WARS2: variants seen among roughly 807,000 people sequenced by gnomAD.
WARS2 encodes the protein tryptophanyl tRNA synthetase 2, mitochondrial, also known as tryptophan--tRNA ligase, mitochondrial.
In WARS2, 28 loss-of-function variants were observed where a neutral mutation model predicts 36.5. That is an observed-to-expected ratio of 0.77 (90% CI 0.57 to 1.05). The LOEUF is 1.05. Ranked by LOEUF, WARS2 falls within the 50% of genes least tolerant of loss-of-function variation. WARS2 has a pLI of 0.00. For missense variants in WARS2, 435 were observed against 456.8 expected, an observed-to-expected ratio of 0.95 and a Z score of 0.44; for synonymous variants, 174 against 178.4, an observed-to-expected ratio of 0.98 and a Z score of 0.20.
At chr1:119,043,410 C>T (rs773645350) in intron 3 of WARS2, among the ~76,000 whole-genome samples, 1 of 152,148 alleles carries the variant, frequency 6.6e-6, no homozygotes, top group Admixed American at 6.5e-5. Context: ...TACCAAGGTG[C>T]AGACATATTT....
At chr1:119,096,487 G>A (rs1290585070) in intron 1 of WARS2, among the ~76,000 whole-genome samples, 1 of 151,968 alleles carries the variant, frequency 6.6e-6, no homozygotes, top group Middle Eastern at 3.2e-3. Flanking sequence ...CTTTAGATGG[G>A]TATATTCTAC....
At chr1:119,118,977 A>G (rs1428496286) in intron 1 of WARS2, among the ~76,000 whole-genome samples, 1 of 152,232 alleles carries the variant, frequency 6.6e-6, no homozygotes, top group Non-Finnish European at 1.5e-5. Flanking sequence ...TCCTTAAAGC[A>G]TAAACATCAC....
In WARS2 at chr1:119,084,025, G is replaced by GT. The variant is rs1221473088; in HGVS notation, c.91-7419dup. Among the ~76,000 whole-genome samples the GT allele has an allele frequency of 5.7e-3, 811 of 141,664 alleles. 5 individuals carry two copies. Among genetic ancestry groups the GT allele is most frequent in the African/African-American group, 0.013 (491 of 38,858 alleles). 92.9% of individuals were successfully genotyped at this position (141,664 alleles called of 152,430 possible). Reference sequence around the variant, plus strand: ...AAAATTTAGTTTTTCCTCATACGATGTTTTTTTTTTTTTTGAGACAGAGTG... The same window carrying GT: ...AAAATTTAGTTTTTCCTCATACGATGTTTTTTTTTTTTTTTGAGACAGAGTG... On this transcript the variant is annotated intron_variant, in intron 1 of 5. Coordinates refer to ENST00000235521, the MANE Select transcript of WARS2 (RefSeq NM_015836.4).
In WARS2 at chr1:119,051,762, ATT is replaced by A. The variant is rs527937756; in HGVS notation, c.349-6102_349-6101del. On this transcript the variant is annotated intron_variant, in intron 2 of 5. Coordinates refer to ENST00000235521, the MANE Select transcript of WARS2 (RefSeq NM_015836.4). ...TGATATGAGTTGGTATCTCGCTGTA[ATT>A]TTTTTTTTTTTTTTTTTTTTTGAGA... 9.0e-3 allele frequency among the ~76,000 whole-genome samples: 1,029 copies of A among 114,234 alleles called. 12 individuals are homozygous for A. The highest frequency in any genetic ancestry group is 0.031 in the African/African-American group (956 of 30,438). The allele number at this position is 114,234 out of a possible 152,430, so 74.9% of individuals were successfully genotyped here.
intron 2 of WARS2, among the ~76,000 whole-genome samples, chr1:119,058,667 C>T (rs1650080738): frequency 8.0e-6 from 1 of 124,664 alleles, no homozygotes; most frequent in African/African-American, 3.9e-5. Flanking sequence ...CATAGGATTC[C>T]ATGGTGTATA....
intron 1 of WARS2, among the ~76,000 whole-genome samples, chr1:119,082,775 C>T (rs1023523237): frequency 3.9e-5 from 6 of 152,234 alleles, no homozygotes; most frequent in African/African-American, 1.4e-4. Context: ...CTGGCCACCA[C>T]ACCACATAAT....
chr1:119,133,885 A>C (rs1356222016), intron 1 of WARS2, among the ~76,000 whole-genome samples: 5 of 152,194 alleles, frequency 3.3e-5, no homozygotes, highest in African/African-American at 1.2e-4. Flanking sequence ...TCAACGAGTA[A>C]AAATTTTTGA....
chr1:119,033,179 A>G lies in WARS2; in HGVS notation c.815T>C (p.Val272Ala). The G allele has an allele frequency of 1.1e-5, 17 of 1,614,220 alleles. No individual in the cohort carries two copies. Among genetic ancestry groups the G allele is most frequent in the Non-Finnish European group, 1.4e-5 (16 of 1,180,048 alleles). The stretch of plus-strand genomic sequence containing the variant: ...GGCATGCACCGCCACTATGTTGGAC[A>G]CGCCAGCGCGGCCAGCCGGGTCATA... Reference protein sequence around the residue: ...VTYDPAGRAGVSNIVAVHAAV... With the variant: ...VTYDPAGRAGASNIVAVHAAV... Residue 272 changes from valine (V) to alanine (A), a missense_variant, in exon 6 of 6, where the codon GTG becomes GCG. Val to Ala is a moderately conservative substitution (Grantham distance 64). Coordinates refer to ENST00000235521, the MANE Select transcript of WARS2 (RefSeq NM_015836.4).
intron 1 of WARS2, chr1:119,126,659 CA>C: frequency 1.4e-6 from 1 of 716,944 alleles, no homozygotes; most frequent in Non-Finnish European, 2.6e-6. Flanking sequence ...TAAGTTTTCC[CA>C]ATTCAAACTA....
At chr1:119,078,169 C>G (rs1651889858) in intron 1 of WARS2, among the ~76,000 whole-genome samples, 1 of 152,198 alleles carries the variant, frequency 6.6e-6, no homozygotes. Flanking sequence ...CATGTATGCT[C>G]TCTCTACTAG....
Position 119,062,655 on chromosome 1 carries a change from C to T in WARS2, c.348+13695G>A, listed in dbSNP as rs190704099. 2.8e-4 allele frequency among the ~76,000 whole-genome samples: 42 copies of T among 152,122 alleles called. No homozygotes were observed. In the East Asian group the frequency reaches 5.8e-3, roughly 21 times the overall value. On this transcript the variant is annotated intron_variant, in intron 2 of 5. Transcript: ENST00000235521. The stretch of plus-strand genomic sequence containing the variant: ...GGGAGGTAATTGAGTCATGGGGACC[C>T]GTGTTTCCCATGCTATTCTCATGAT...
chr1:119,067,170 T>C (rs1437644926), intron 2 of WARS2, among the ~76,000 whole-genome samples: 2 of 152,168 alleles, frequency 1.3e-5, no homozygotes, highest in African/African-American at 2.4e-5. Context: ...ATGATGCCAT[T>C]CACAGTTTTA....
At chr1:119,056,121 C>T (rs962885976) in intron 2 of WARS2, among the ~76,000 whole-genome samples, 3 of 149,830 alleles carry the variant, frequency 2.0e-5, no homozygotes, top group Non-Finnish European at 4.4e-5. Flanking sequence ...CAGGCTCAAG[C>T]GATTCTCCTG....
At chr1:119,063,399 A>G (rs1232334172) in intron 2 of WARS2, 1 of 152,200 alleles carries the variant, frequency 6.6e-6, no homozygotes, top group Non-Finnish European at 1.5e-5. Context: ...GGGAGAAAAG[A>G]GAAACCAATT....
chr1:119,139,425 C>T (rs1656771807), intron 1 of WARS2, among the ~76,000 whole-genome samples: 1 of 152,138 alleles, frequency 6.6e-6, no homozygotes, highest in Non-Finnish European at 1.5e-5. Context: ...TTTGTTTTGG[C>T]TTCATAATCA....
At chr1:119,036,887 C>T (rs780480322) in intron 4 of WARS2, among the ~76,000 whole-genome samples, 8 of 152,252 alleles carry the variant, frequency 5.3e-5, no homozygotes, top group Non-Finnish European at 1.2e-4. Context: ...TTGTTTCTAG[C>T]CTTCCCTCCC....
chr1:119,109,235 T>C (rs1334193487), intron 1 of WARS2, among the ~76,000 whole-genome samples: 1 of 152,126 alleles, frequency 6.6e-6, no homozygotes, highest in Middle Eastern at 3.4e-3. Context: ...ATTCAGTTGA[T>C]TTATGGAGTG....
At chr1:119,041,935 A>T (rs183679803) in intron 4 of WARS2, among the ~76,000 whole-genome samples, 241 of 152,320 alleles carry the variant, frequency 1.6e-3, no homozygotes, top group African/African-American at 5.5e-3. Context: ...AATCGGGACA[A>T]TAAGAGTGCA....
At chr1:119,122,434 AC>A (rs1655386827) in intron 1 of WARS2, among the ~76,000 whole-genome samples, 1 of 152,226 alleles carries the variant, frequency 6.6e-6, no homozygotes, top group South Asian at 2.1e-4. Context: ...ACAGTTTTAC[AC>A]TGCTGGTAGG....
Sources: allele counts gnomAD v4.1 joint callset (sites outside exome capture counted in the v4.1 genomes callset), GRCh38; gene constraint gnomAD v4.1.1; transcripts MANE v1.5; gene names NCBI Gene and HGNC (gene_info 2026-07-23, HGNC 2026-07-21).